MID1: variants seen among roughly 807,000 people sequenced by gnomAD.
MID1 encodes midline 1.
In MID1, 7 loss-of-function variants were observed where a neutral mutation model predicts 40.4. The ratio of observed to expected loss-of-function variants is 0.17; its 90% CI spans 0.10 to 0.33. MID1 has a LOEUF of 0.33. Ranked by LOEUF, MID1 falls within the 10% of genes least tolerant of loss-of-function variation. MID1 has a pLI of 1.00. For synonymous variants in MID1, 229 were observed against 221.2 expected, an observed-to-expected ratio of 1.04 and a Z score of -0.31; for missense variants, 367 against 558.5, an observed-to-expected ratio of 0.66 and a Z score of 3.46.
At chrX:10,715,344 C>T (rs2043293963) in intron 1 of MID1, among the ~76,000 whole-genome samples, 1 of 112,019 alleles carries the variant, frequency 8.9e-6, no homozygotes, top group South Asian at 3.8e-4. Context: ...GTTACTCCCA[C>T]CCTAATACTG....
In MID1 at chrX:10,543,178, A is replaced by G. The variant is rs141633924; in HGVS notation, c.661-19991T>C. 6.8e-3 allele frequency among the ~76,000 whole-genome samples: 764 copies of G among 112,243 alleles called. 6 individuals are homozygous for G. The highest frequency in any genetic ancestry group is 0.023 in the African/African-American group (711 of 30,941). On this transcript the variant is annotated intron_variant, in intron 2 of 9. Coordinates refer to ENST00000317552, the MANE Select transcript of MID1 (RefSeq NM_000381.4). ...GGAATGTACTCAGGCTCTCCTATCA[A>G]CGATGGTCCTATCATTCTCCTTAAG...
intron 1 of MID1, among the ~76,000 whole-genome samples, chrX:10,755,472 T>C (rs1318629955): frequency 8.9e-6 from 1 of 111,902 alleles, no homozygotes; most frequent in Non-Finnish European, 1.9e-5. Context: ...AAGGGAGTTA[T>C]CTGTCATTCC....
intron 3 of MID1, among the ~76,000 whole-genome samples, chrX:10,508,667 A>C (rs1197856106): frequency 9.0e-6 from 1 of 111,729 alleles, no homozygotes; most frequent in African/African-American, 3.3e-5. Flanking sequence ...AGATGAGAAA[A>C]GGCACCAGGG....
At chrX:10,694,182 G>A (rs1209194217) in intron 1 of MID1, among the ~76,000 whole-genome samples, 1 of 112,045 alleles carries the variant, frequency 8.9e-6, no homozygotes. Flanking sequence ...CTCTCTGGGG[G>A]AGTTTCATGG....
At chrX:10,773,345 G>A (rs1030369814) in intron 1 of MID1, among the ~76,000 whole-genome samples, 1 of 112,264 alleles carries the variant, frequency 8.9e-6, no homozygotes, top group African/African-American at 3.2e-5. Context: ...GTGCATGTGT[G>A]AGTTTGTGTG....
chrX:10,542,963 A>G (rs1452296315), intron 2 of MID1, among the ~76,000 whole-genome samples: 1 of 112,600 alleles, frequency 8.9e-6, no homozygotes, highest in African/African-American at 3.2e-5. Context: ...CTCATGACAC[A>G]TTCCCTGGTA....
At chrX:10,607,248 C>T (rs1341048441) in intron 1 of MID1, among the ~76,000 whole-genome samples, 1 of 111,568 alleles carries the variant, frequency 9.0e-6, no homozygotes, top group Non-Finnish European at 1.9e-5. Flanking sequence ...AACCTGAAGC[C>T]TGAGATTCTC....
chrX:10,567,434 T>C lies in MID1; in HGVS notation c.114A>G (p.Leu38=), dbSNP rs1934598934. 8.3e-7 allele frequency: 1 copy of C among 1,210,831 alleles called. No individual in the cohort carries two copies. Among genetic ancestry groups the C allele is most frequent in the Non-Finnish European group, 1.1e-6 (1 of 895,097 alleles). Reference sequence around the variant, plus strand: ...ACTCGTTGGTGGCACAGTGTGATACTAGGATGCGGTGGGCGCAGTTGAAGC... The same window carrying C: ...ACTCGTTGGTGGCACAGTGTGATACCAGGATGCGGTGGGCGCAGTTGAAGC... ...SLCFNCAHRI[L]VSHCATNESV... Residue 38 remains leucine (L), a synonymous_variant, in exon 2 of 10, where the codon CTA becomes CTG. Coordinates refer to ENST00000317552, the MANE Select transcript of MID1 (RefSeq NM_000381.4).
intron 1 of MID1, among the ~76,000 whole-genome samples, chrX:10,577,204 G>A (rs1040885860): frequency 1.8e-5 from 2 of 111,701 alleles, no homozygotes; most frequent in Non-Finnish European, 1.9e-5. Flanking sequence ...CAGCTTGGCC[G>A]AATGAGACAC....
chrX:10,562,371 T>TAAAAAAAAAAAAAAAAAA (rs760465620), intron 2 of MID1, among the ~76,000 whole-genome samples: 1 of 44,891 alleles, frequency 2.2e-5, no homozygotes, highest in Non-Finnish European at 4.3e-5. Flanking sequence ...GAACTTAAAG[T>TAAAAAAAAAAAAAAAAAA]AAAAAAAAAA....
At position 10,736,294 on chromosome X, in the gene MID1, C is replaced by T. The variant is rs181059786; in HGVS notation, c.-187+97260G>A. The stretch of plus-strand genomic sequence containing the variant: ...TTGTTATCTTTAACTACTATTCTCA[C>T]ACTGAGTTTGAAATCTGAGGGTTTT... On this transcript the variant is annotated intron_variant, in intron 1 of 10. Transcript: ENST00000380785. Among the ~76,000 whole-genome samples the T allele has an allele frequency of 2.4e-4, 27 of 112,301 alleles. No homozygotes were observed. The East Asian group carries it at 6.7e-3, about 28-fold the overall frequency.
chrX:10,757,094 G>C (rs1456913376), intron 1 of MID1, among the ~76,000 whole-genome samples: 1 of 111,765 alleles, frequency 8.9e-6, no homozygotes, highest in Admixed American at 9.5e-5. Flanking sequence ...GCCTCAGCTG[G>C]AGGGCTTGCC....
rs375668839 is a variant in MID1 at position 10,523,193 on chromosome X, CA to C, written c.661-7del. ...AGGTTACTCTCTAAGTTTTGCTGTT[CA>C]AAAAAAAAAAAAAAAGAGGAAAAAT... On this transcript the variant is annotated splice_region_variant and splice_polypyrimidine_tract_variant and intron_variant, in intron 2 of 9. Transcript: ENST00000317552. 92,228 of 651,402 alleles carry C rather than the reference CA, an allele frequency of 0.14. 1 individual carries two copies. Among genetic ancestry groups the C allele is most frequent in the Non-Finnish European group, 0.15 (74,117 of 487,095 alleles). The allele number at this position is 651,402 out of a possible 1,213,427, so 53.7% of individuals were successfully genotyped here.
At chrX:10,602,225 C>CTTTTTTTTTTTTTTTTTTT (rs56897260) in intron 1 of MID1, among the ~76,000 whole-genome samples, 1 of 83,557 alleles carries the variant, frequency 1.2e-5, no homozygotes, top group African/African-American at 4.9e-5. Context: ...TAGTTTCTGA[C>CTTTTTTTTTTTTTTTTTTT]TTTTTTTTTT....
At chrX:10,820,857 A>T (rs137952573) in intron 1 of MID1, among the ~76,000 whole-genome samples, 1 of 112,593 alleles carries the variant, frequency 8.9e-6, no homozygotes, top group East Asian at 2.8e-4. Context: ...CACCGTGTCA[A>T]ACTCATTTTC....
At chrX:10,732,039 T>C (rs1484424394) in intron 1 of MID1, among the ~76,000 whole-genome samples, 4 of 106,389 alleles carry the variant, frequency 3.8e-5, no homozygotes, top group Non-Finnish European at 7.7e-5. Context: ...AAATTAGGAA[T>C]TGAAGGCAAT....
At chrX:10,516,609 TGCGCGC>T (rs367713528) in intron 3 of MID1, among the ~76,000 whole-genome samples, 45 of 50,372 alleles carry the variant, frequency 8.9e-4, no homozygotes, top group African/African-American at 4.0e-3. Flanking sequence ...TGTGTGTGTG[TGCGCGC>T]GCGCACGCGT....
chrX:10,752,617 G>A (rs2043607411), intron 1 of MID1, among the ~76,000 whole-genome samples: 1 of 111,409 alleles, frequency 9.0e-6, no homozygotes, highest in South Asian at 3.8e-4. Context: ...CAACTGCCTA[G>A]ATACCTTCTT....
chrX:10,458,818 A>G (rs952038567), intron 8 of MID1, among the ~76,000 whole-genome samples: 4 of 111,596 alleles, frequency 3.6e-5, no homozygotes, highest in Admixed American at 2.9e-4. Context: ...AAAGCACTTA[A>G]TTGTTCCTGT....
Sources: allele counts gnomAD v4.1 joint callset (sites outside exome capture counted in the v4.1 genomes callset), GRCh38; gene constraint gnomAD v4.1.1; transcripts MANE v1.5; gene names NCBI Gene and HGNC (gene_info 2026-07-23, HGNC 2026-07-21).